The following LRRC20 variants were observed in gnomAD, a reference collection of about 807,000 sequenced individuals.
LRRC20 encodes the protein leucine-rich repeat-containing protein 20.
In LRRC20, 11 loss-of-function variants were observed where a neutral mutation model predicts 14.4. The observed-to-expected ratio is 0.77, with a 90% CI of 0.48 to 1.27. The LOEUF (loss-of-function observed/expected upper bound fraction) is 1.27, where lower values mean the gene tolerates loss of function less well. LRRC20 is among the 50% of genes most tolerant of loss of function. The pLI, the probability that LRRC20 is intolerant of heterozygous loss-of-function variation, is 0.00. For synonymous variants in LRRC20, 121 were observed against 107.3 expected (o/e 1.13, Z -0.79); for missense variants, 219 against 251.2 (o/e 0.87, Z 0.87).
intron 2 of LRRC20, among the ~76,000 whole-genome samples, chr10:70,358,101 A>G (rs898577819): frequency 1.3e-5 from 2 of 152,238 alleles, no homozygotes; most frequent in Non-Finnish European, 2.9e-5. Flanking sequence ...ATCGCCCTAC[A>G]GAGAAAGTCC....
chr10:70,367,340 A>AAAG lies in LRRC20; in HGVS notation c.82+9111_82+9112insCTT, dbSNP rs1554843833. Among the ~76,000 whole-genome samples the AAAG allele has an allele frequency of 2.0e-3, 295 of 145,034 alleles. 3 individuals carry two copies. Among genetic ancestry groups the AAAG allele is most frequent in the Non-Finnish European group, 3.3e-3 (217 of 65,728 alleles). ...TGAGACCCGGTCTCAAAAAAAAAAA[A>AAAG]AAAGAAAGAAAAGAAAAAGAAAAAG... is the stretch of plus-strand genomic sequence containing the variant. On this transcript the variant is annotated intron_variant, in intron 2 of 4. Coordinates refer to ENST00000446961, the MANE Select transcript of LRRC20 (RefSeq NM_001278212.2).
In LRRC20 at chr10:70,301,130, G is replaced by A. The variant is rs1244895812; in HGVS notation, c.*224C>T. On this transcript the variant is annotated 3_prime_UTR_variant, in exon 5 of 5. Transcript: ENST00000446961. ...CTGAGTTTGCACAGCAGCTGTGAGT[G>A]CCGAGTCCAGGCTGCAGGCCCCACC... is the stretch of plus-strand genomic sequence containing the variant. 17 of 1,353,788 alleles carry A rather than the reference G, an allele frequency of 1.3e-5. No individual in the cohort carries two copies. Among genetic ancestry groups the A allele is most frequent in the South Asian group, 3.8e-5 (2 of 52,654 alleles). 83.9% of individuals were successfully genotyped at this position (1,353,788 alleles called of 1,614,324 possible). A position where few individuals can be genotyped will look rare whatever the true frequency, so the allele number is the denominator to read the frequency against.
At chr10:70,310,468 A>T (rs1841610569) in intron 4 of LRRC20, among the ~76,000 whole-genome samples, 1 of 152,162 alleles carries the variant, frequency 6.6e-6, no homozygotes, top group Non-Finnish European at 1.5e-5. Context: ...CTCAAATCCC[A>T]GCTCAAGGGC....
rs375068785 is a variant in LRRC20, at chr10:70,321,935, G to A, written c.400+1928C>T. On this transcript the variant is annotated intron_variant, in intron 4 of 4. Transcript: ENST00000446961. ...TATTACTGTCATTCTGCAGAAAAGC[G>A]AGATATGTCTATGCAAGAGGAGCCA... 3.3e-4 allele frequency among the ~76,000 whole-genome samples: 51 copies of A among 152,302 alleles called. No homozygotes were observed. The South Asian group carries it at 4.8e-3, about 14-fold the overall frequency.
chr10:70,311,918 G>A (rs932378211), intron 4 of LRRC20, among the ~76,000 whole-genome samples: 1 of 152,180 alleles, frequency 6.6e-6, no homozygotes, highest in Admixed American at 6.5e-5. Flanking sequence ...ACTTCCCTGA[G>A]GTCAGCTTGC....
chr10:70,317,239 G>A (rs77032035), intron 4 of LRRC20, among the ~76,000 whole-genome samples: 1 of 152,358 alleles, frequency 6.6e-6, no homozygotes, highest in African/African-American at 2.4e-5. Context: ...TCTCTACCCT[G>A]CAGGGGAGCT....
chr10:70,357,901 G>A (rs1247593578), intron 2 of LRRC20, among the ~76,000 whole-genome samples: 1 of 152,192 alleles, frequency 6.6e-6, no homozygotes, highest in Admixed American at 6.5e-5. Flanking sequence ...CAGCTGGTCC[G>A]AGTGGAGGAG....
intron 3 of LRRC20, among the ~76,000 whole-genome samples, chr10:70,332,678 G>C (rs1483474904): frequency 3.9e-5 from 6 of 152,212 alleles, no homozygotes; most frequent in African/African-American, 1.4e-4. Context: ...TTTTCTTGCT[G>C]TGTGAACTTG....
intron 2 of LRRC20, among the ~76,000 whole-genome samples, chr10:70,351,172 C>A (rs1589103885): frequency 7.9e-6 from 1 of 125,814 alleles, no homozygotes; most frequent in African/African-American, 3.0e-5. Flanking sequence ...CAGAGTGAGA[C>A]CCTGTCTCAG....
intron 2 of LRRC20, among the ~76,000 whole-genome samples, chr10:70,372,694 G>A (rs569510060): frequency 2.2e-4 from 34 of 151,866 alleles, no homozygotes; most frequent in East Asian, 3.9e-4. Context: ...CGCCCGCCTC[G>A]GCCACCCAAA....
At chr10:70,348,470 A>G (rs1843161670) in intron 2 of LRRC20, among the ~76,000 whole-genome samples, 2 of 152,184 alleles carry the variant, frequency 1.3e-5, no homozygotes, top group Non-Finnish European at 2.9e-5. Context: ...AAACAACACC[A>G]CTTACTATTT....
intron 2 of LRRC20, among the ~76,000 whole-genome samples, chr10:70,350,294 G>A (rs778033870): frequency 1.1e-4 from 17 of 152,100 alleles, no homozygotes; most frequent in South Asian, 6.2e-4. Context: ...TGGGGGAGGC[G>A]GTAGCAGTAC....
At position 70,301,307 on chromosome 10, in the gene LRRC20, A is replaced by T. The variant is rs1841168294; in HGVS notation, c.*47T>A. On this transcript the variant is annotated 3_prime_UTR_variant, in exon 5 of 5. Coordinates refer to ENST00000446961, the MANE Select transcript of LRRC20 (RefSeq NM_001278212.2). Reference sequence around the variant, plus strand: ...GGGCCTCCCTCCCTTCCAGGGTTCCAGGCCTGTGGCCTCTGCCCCTTGCTG... The same window carrying T: ...GGGCCTCCCTCCCTTCCAGGGTTCCTGGCCTGTGGCCTCTGCCCCTTGCTG... The T allele has an allele frequency of 6.3e-7, 1 of 1,579,900 alleles. No individual in the cohort carries two copies. Among genetic ancestry groups the T allele is most frequent in the South Asian group, 1.1e-5 (1 of 87,288 alleles).
At chr10:70,326,404 C>T (rs1175664472) in intron 3 of LRRC20, among the ~76,000 whole-genome samples, 1 of 152,068 alleles carries the variant, frequency 6.6e-6, no homozygotes, top group Non-Finnish European at 1.5e-5. Context: ...GGAGGAACTA[C>T]ATCTGATTCA....
chr10:70,350,179 A>C (rs1279803728), intron 2 of LRRC20, among the ~76,000 whole-genome samples: 1 of 152,222 alleles, frequency 6.6e-6, no homozygotes, highest in Non-Finnish European at 1.5e-5. Flanking sequence ...ATGGTAGGTA[A>C]GGGGCAATGC....
Position 70,323,791 on chromosome 10 carries a change from C to T in LRRC20, c.400+72G>A, listed in dbSNP as rs1040190484. 21 of 1,531,320 alleles carry T rather than the reference C, an allele frequency of 1.4e-5. No individual in the cohort carries two copies. The East Asian group carries it at 3.2e-4, about 23-fold the overall frequency. The allele number at this position is 1,531,320 out of a possible 1,614,324, so 94.9% of individuals were successfully genotyped here. On this transcript the variant is annotated intron_variant, in intron 4 of 4. Coordinates refer to ENST00000446961, the MANE Select transcript of LRRC20 (RefSeq NM_001278212.2). ...AGCTTCTCCTCCCACCTGTGAAGGTCGACTCCAGAGTCCTGTGGCCCATGA... is the reference window on the plus strand; with the variant it reads ...AGCTTCTCCTCCCACCTGTGAAGGTTGACTCCAGAGTCCTGTGGCCCATGA...
Position 70,340,666 on chromosome 10 carries a change from C to A in LRRC20, c.119G>T (p.Gly40Val). 1 of 1,614,146 alleles carries A rather than the reference C, an allele frequency of 6.2e-7. No individual in the cohort carries two copies. The highest frequency in any genetic ancestry group is 1.3e-5 in the African/African-American group (1 of 75,032). The change falls in exon 3 of 5, where the codon GGC becomes GTC. Residue 40 changes from glycine (G) to valine (V), a missense_variant. Physicochemically the swap from Gly to Val is moderately radical, Grantham distance 109. Transcript: ENST00000446961. ...GACATTCCGCAGGACCTTGTAGATG[C>A]CAATGGGAAAGGAGACCAGCTTGCA... ...AECKLVSFPIGIYKVLRNVSG... is the reference protein window; with the variant it reads ...AECKLVSFPIVIYKVLRNVSG...
At chr10:70,302,844 G>C (rs1376363534) in intron 4 of LRRC20, among the ~76,000 whole-genome samples, 3 of 151,736 alleles carry the variant, frequency 2.0e-5, no homozygotes, top group Non-Finnish European at 4.4e-5. Flanking sequence ...CCGTGTAGCT[G>C]GGACTACAGG....
intron 3 of LRRC20, among the ~76,000 whole-genome samples, chr10:70,334,217 C>A (rs1842638158): frequency 6.6e-6 from 1 of 152,084 alleles, no homozygotes; most frequent in Admixed American, 6.6e-5. Context: ...ACAACCAAAC[C>A]TAAGCATCCC....
Sources: allele counts gnomAD v4.1 joint callset (sites outside exome capture counted in the v4.1 genomes callset), GRCh38; gene constraint gnomAD v4.1.1; transcripts MANE v1.5; gene names NCBI Gene and HGNC (gene_info 2026-07-23, HGNC 2026-07-21).